The following SLC25A33 variants were observed in gnomAD, a reference collection of about 807,000 sequenced individuals.
SLC25A33 encodes the protein bone marrow stromal cell mitochondrial carrier protein.
Under a neutral mutation model 35.5 loss-of-function variants are expected in SLC25A33, and 15 were observed. The ratio of observed to expected loss-of-function variants is 0.42; its 90% CI spans 0.28 to 0.65. The LOEUF (loss-of-function observed/expected upper bound fraction) is 0.65, where lower values mean the gene tolerates loss of function less well. Among genes scored for constraint, SLC25A33 ranks in the 30% least tolerant of loss-of-function variants. The pLI, the probability that SLC25A33 is intolerant of heterozygous loss-of-function variation, is 0.20. For synonymous variants in SLC25A33, 136 were observed against 148.7 expected (o/e 0.91, Z 0.62); for missense variants, 257 against 398.5 (o/e 0.64, Z 3.02).
chr1:9,547,863 T>C (rs1469238187), intron 1 of SLC25A33, among the ~76,000 whole-genome samples: 1 of 148,296 alleles, frequency 6.7e-6, no homozygotes, highest in South Asian at 2.1e-4. Flanking sequence ...TTTGTTTTTG[T>C]TTTTGTTTTT....
intron 2 of SLC25A33, among the ~76,000 whole-genome samples, chr1:9,556,631 T>A (rs2100384284): frequency 6.6e-6 from 1 of 152,042 alleles, no homozygotes; most frequent in East Asian, 1.9e-4. Context: ...GGCTTTCTAA[T>A]CTCCAGTAAA....
At chr1:9,575,626 G>A (rs1261437104) in intron 5 of SLC25A33, among the ~76,000 whole-genome samples, 2 of 151,878 alleles carry the variant, frequency 1.3e-5, no homozygotes, top group Non-Finnish European at 2.9e-5. Context: ...AAAAAAAAAC[G>A]AAAGCAAAAC....
rs1643775552 is a variant in SLC25A33 at position 9,583,883 on chromosome 1, T to A, written c.*1382T>A. On this transcript the variant is annotated 3_prime_UTR_variant, in exon 7 of 7. Transcript: ENST00000302692. ...GGTGGCGGGCACCCATAGTCCCAGCTACTCGGGAGGCTGAGGCAGGAGAAT... is the reference window on the plus strand; with the variant it reads ...GGTGGCGGGCACCCATAGTCCCAGCAACTCGGGAGGCTGAGGCAGGAGAAT... The A allele has an allele frequency of 1.3e-5, 2 of 151,796 alleles. No individual in the cohort carries two copies. Among genetic ancestry groups the A allele is most frequent in the Admixed American group, 1.3e-4 (2 of 15,226 alleles). 9.4% of individuals were successfully genotyped at this position (151,796 alleles called of 1,614,324 possible). A position where few individuals can be genotyped will look rare whatever the true frequency, so the allele number is the denominator to read the frequency against.
At chr1:9,557,783 G>A (rs1217717433) in intron 2 of SLC25A33, among the ~76,000 whole-genome samples, 1 of 152,090 alleles carries the variant, frequency 6.6e-6, no homozygotes, top group African/African-American at 2.4e-5. Context: ...CACACATTTA[G>A]CACTTTTAGG....
In SLC25A33 at chr1:9,579,872, G is replaced by A. The variant is rs771454255; in HGVS notation, c.483-82G>A. 2.2e-4 allele frequency: 317 copies of A among 1,464,520 alleles called. 1 individual carries two copies. Among genetic ancestry groups the A allele is most frequent in the Non-Finnish European group, 2.8e-4 (301 of 1,081,982 alleles). 90.7% of individuals were successfully genotyped at this position (1,464,520 alleles called of 1,614,324 possible). A position where few individuals can be genotyped will look rare whatever the true frequency, so the allele number is the denominator to read the frequency against. ...TATCCTAACACCATAAGGAAGACCCGTACCTGTTCTCCTACTGTGTGATGT... is the reference window on the plus strand; with the variant it reads ...TATCCTAACACCATAAGGAAGACCCATACCTGTTCTCCTACTGTGTGATGT... On this transcript the variant is annotated intron_variant, in intron 5 of 6. Coordinates refer to ENST00000302692, the MANE Select transcript of SLC25A33 (RefSeq NM_032315.3).
At chr1:9,570,666 T>TATAG (rs1295673059) in intron 4 of SLC25A33, among the ~76,000 whole-genome samples, 3 of 150,196 alleles carry the variant, frequency 2.0e-5, no homozygotes, top group East Asian at 3.9e-4. Context: ...CATCAAATGA[T>TATAG]ATAGATAGAT....
chr1:9,546,216 G>T (rs1420298182), intron 1 of SLC25A33, among the ~76,000 whole-genome samples: 1 of 111,838 alleles, frequency 8.9e-6, no homozygotes, highest in Admixed American at 1.3e-4. Context: ...ACGGAGTCTC[G>T]CTCTGTCGCC....
At chr1:9,570,742 C>T (rs1372056132) in intron 4 of SLC25A33, among the ~76,000 whole-genome samples, 2 of 129,316 alleles carry the variant, frequency 1.5e-5, no homozygotes, top group African/African-American at 5.8e-5. Flanking sequence ...GAGTCTCACT[C>T]TGTCACCCAG....
intron 6 of SLC25A33, 142 bp downstream of exon 6, chr1:9,580,376 A>G: frequency 9.4e-7 from 1 of 1,059,004 alleles, no homozygotes; most frequent in Non-Finnish European, 1.4e-6. Context: ...AACAGCTCTA[A>G]CCGCATGGAC....
intron 2 of SLC25A33, chr1:9,556,247 A>G: frequency 1.0e-6 from 1 of 985,286 alleles, no homozygotes; most frequent in Non-Finnish European, 1.2e-6. Context: ...ACATAAGGAA[A>G]CTGAAGACAG....
chr1:9,544,753 G>A (rs1265768839), intron 1 of SLC25A33, among the ~76,000 whole-genome samples: 1 of 152,170 alleles, frequency 6.6e-6, no homozygotes, highest in East Asian at 1.9e-4. Context: ...TGTGAGCCTG[G>A]AAAGCAGTTT....
rs759025560 is a variant in SLC25A33, at chr1:9,578,207, C to T, written c.483-1747C>T. Among the ~76,000 whole-genome samples the T allele has an allele frequency of 2.0e-5, 3 of 151,838 alleles. No individual in the cohort carries two copies. The highest frequency in any genetic ancestry group is 4.8e-5 in the African/African-American group (2 of 41,314). ...TGCTGGGAATACAGGTGTGAGCCAC[C>T]GCACCCGGCCTCTGGATGGTTTTAA... On this transcript the variant is annotated intron_variant, in intron 5 of 6. Coordinates refer to ENST00000302692, the MANE Select transcript of SLC25A33 (RefSeq NM_032315.3). The surrounding 1 kb of genome is among the most constrained non-coding windows in gnomAD (Gnocchi z 4.3).
At chr1:9,560,717 TAAAG>T (rs1256619103) in intron 2 of SLC25A33, among the ~76,000 whole-genome samples, 1 of 151,650 alleles carries the variant, frequency 6.6e-6, no homozygotes, top group Non-Finnish European at 1.5e-5. Context: ...AGTATTCTGT[TAAAG>T]AAAAAAATTC....
intron 1 of SLC25A33, among the ~76,000 whole-genome samples, chr1:9,545,202 G>C (rs1024103868): frequency 2.6e-5 from 4 of 151,936 alleles, no homozygotes; most frequent in Non-Finnish European, 5.9e-5. Context: ...TTTGTTTTTG[G>C]TGGTTTTTTT....
chr1:9,541,144 C>G (rs1643073531), intron 1 of SLC25A33, among the ~76,000 whole-genome samples: 2 of 149,748 alleles, frequency 1.3e-5, no homozygotes, highest in South Asian at 4.2e-4. Flanking sequence ...CCAAGCCTGG[C>G]TAATTTTTTT....
chr1:9,554,775 G>A (rs1643317120), intron 2 of SLC25A33, among the ~76,000 whole-genome samples: 1 of 152,058 alleles, frequency 6.6e-6, no homozygotes, highest in South Asian at 2.1e-4. Context: ...TATTTTTACT[G>A]TAGAAAAAAT....
chr1:9,576,641 T>C lies in SLC25A33; in HGVS notation c.482+3229T>C, dbSNP rs908271517. 4.9e-6 allele frequency: 3 copies of C among 608,380 alleles called. No individual in the cohort carries two copies. The Admixed American group carries it at 5.6e-5, about 11-fold the overall frequency. 37.7% of individuals were successfully genotyped at this position (608,380 alleles called of 1,614,324 possible). A position where few individuals can be genotyped will look rare whatever the true frequency, so the allele number is the denominator to read the frequency against. On this transcript the variant is annotated intron_variant, in intron 5 of 6. Transcript: ENST00000302692. ...ACCGTTCGAACTGTTGGTAGTTATG[T>C]GCAGAACACGATCAAGGGTGTTACA...
At chr1:9,579,039 G>A (rs1209773865) in intron 5 of SLC25A33, among the ~76,000 whole-genome samples, 1 of 152,222 alleles carries the variant, frequency 6.6e-6, no homozygotes, top group African/African-American at 2.4e-5. Flanking sequence ...GGCCTGTCAG[G>A]TGTGCCAGCT....
intron 1 of SLC25A33, among the ~76,000 whole-genome samples, chr1:9,541,708 G>T (rs1569835963): frequency 1.4e-5 from 2 of 143,138 alleles, no homozygotes; most frequent in Non-Finnish European, 3.0e-5. Context: ...TGTCTCACAC[G>T]TTTTTTAAGC....
Sources: gnomAD v4.1 joint callset for allele counts (sites outside exome capture counted in the v4.1 genomes callset) on GRCh38, gnomAD v4.1.1 for gene constraint, Gnocchi (gnomAD v3.1) non-coding constraint, MANE v1.5 for transcripts, NCBI Gene and HGNC (gene_info 2026-07-23, HGNC 2026-07-21) for gene names.